SYNE2: variants seen among roughly 807,000 people sequenced by gnomAD.
SYNE2 encodes the protein spectrin repeat containing nuclear envelope protein 2.
Under a neutral mutation model 856.3 loss-of-function variants are expected in SYNE2, and 431 were observed. The observed-to-expected ratio is 0.50, with a 90% CI of 0.47 to 0.55. The LOEUF (loss-of-function observed/expected upper bound fraction) is 0.55. Among genes scored for constraint, SYNE2 ranks in the 20% least tolerant of loss-of-function variants. The pLI, the probability that SYNE2 is intolerant of heterozygous loss-of-function variation, is 0.00. For missense variants in SYNE2, 8,129 were observed against 8,023.2 expected (o/e 1.01, Z -0.50); for synonymous variants, 2,923 against 2,872.3 (o/e 1.02, Z -0.56).
intron 115 of SYNE2, 33 bp downstream of exon 115, chr14:64,225,078 C>G: frequency 6.2e-7 from 1 of 1,609,320 alleles, no homozygotes; most frequent in South Asian, 1.1e-5. Flanking sequence ...GCAGTGCGTT[C>G]CCCTGCTCCA....
upstream of SYNE2, among the ~76,000 whole-genome samples, chr14:63,852,563 C>G (rs541100581): frequency 2.4e-4 from 36 of 152,264 alleles, no homozygotes; most frequent in Middle Eastern, 0.01. Flanking sequence ...CCTTCGAATC[C>G]AAAGTCCTCG....
chr14:63,963,710 C>A (rs2096352409), intron 9 of SYNE2, among the ~76,000 whole-genome samples, 189 bp from the exon 10 acceptor site: 1 of 152,078 alleles, frequency 6.6e-6, no homozygotes, highest in Admixed American at 6.5e-5. Context: ...TTGTCATGTT[C>A]AGATGCTAGT....
At chr14:64,183,784 C>T (rs990889264) in intron 96 of SYNE2, among the ~76,000 whole-genome samples, 5 of 152,024 alleles carry the variant, frequency 3.3e-5, no homozygotes, top group Non-Finnish European at 7.4e-5. Context: ...GACGTGGTGG[C>T]GTGCGCCTGC....
rs374753364 is a variant in SYNE2, at chr14:64,003,024, A to C, written c.4091A>C (p.Glu1364Ala). 1.2e-6 allele frequency: 2 copies of C among 1,614,182 alleles called. No homozygotes were observed. Among genetic ancestry groups the C allele is most frequent in the Non-Finnish European group, 1.7e-6 (2 of 1,180,014 alleles). The change falls in exon 30 of 116, where the codon GAG (glutamate) becomes GCG (alanine). Residue 1364 changes from glutamate (E) to alanine (A), a missense_variant. By Grantham distance (107) the Glu-to-Ala change is moderately radical. This residue lies in a region of SYNE2 where 2,422 missense variants were observed against 2,357.4 expected (regional missense o/e 1.03). Transcript: ENST00000555002. Reference sequence around the variant, plus strand: ...AATACGTTGACAGTAAAAAATAAAGAGGGAGAAATTCATCTGATGAAAGAC... The same window carrying C: ...AATACGTTGACAGTAAAAAATAAAGCGGGAGAAATTCATCTGATGAAAGAC... ...QENTLTVKNKEGEIHLMKDKA... is the reference protein window; with the variant it reads ...QENTLTVKNKAGEIHLMKDKA...
chr14:63,840,365 G>A (rs1454586775), intron 1 of SYNE2, among the ~76,000 whole-genome samples: 1 of 151,936 alleles, frequency 6.6e-6, no homozygotes, highest in Non-Finnish European at 1.5e-5. Context: ...GTCATTCAGG[G>A]AACCCAGTTT....
chr14:64,070,555 G>A (rs2097397691), intron 51 of SYNE2, 90 bp from the exon 52 acceptor site: 6 of 1,116,862 alleles, frequency 5.4e-6, no homozygotes, highest in Non-Finnish European at 7.8e-6. Context: ...ACCCTTTGAA[G>A]AGAGAGCATA....
In SYNE2 at chr14:64,129,865, A is replaced by T. The variant is rs770920702; in HGVS notation, c.14103A>T (p.Leu4701Phe). ...GAGATGAAGGGGAGAGGCTTCATTT[A>T]CCTTATGCTTTACTCCAGGAGGTTT... ...KLRDEGERLH[L>F]PYALLQEVYK... The change falls in exon 75 of 116, where the codon TTA (leucine) becomes TTT (phenylalanine). Residue 4701 changes from leucine to phenylalanine, a missense_variant. Transcript: ENST00000555002. 2.5e-6 allele frequency: 4 copies of T among 1,613,978 alleles called. No homozygotes were observed. In the South Asian group the frequency reaches 4.4e-5, roughly 18 times the overall value.
At chr14:64,001,871 T>A in intron 28 of SYNE2, 63 bp from the exon 29 acceptor site, 2 of 1,554,798 alleles carry the variant, frequency 1.3e-6, no homozygotes, top group Non-Finnish European at 1.8e-6. Flanking sequence ...ATTGTGTTAA[T>A]CAGTTTCATA....
chr14:64,149,938 A>T (rs75367078), intron 84 of SYNE2, among the ~76,000 whole-genome samples: 1,524 of 151,518 alleles, frequency 0.01, 21 homozygotes, highest in African/African-American at 0.035. Flanking sequence ...GCAGAGCAAA[A>T]GAAACGAGCA....
In SYNE2 at chr14:64,177,352, AAATAGACCT is replaced by A. The variant is rs753835334; in HGVS notation, c.17431-5_17434del. 6.2e-7 allele frequency: 1 copy of A among 1,614,086 alleles called. No individual in the cohort carries two copies. The highest frequency in any genetic ancestry group is 1.3e-5 in the African/African-American group (1 of 74,946). Reference sequence around the variant, plus strand: ...ACTTACCAGTTTTAATCTTGTTTTCAAATAGACCTGGGACCAGTGTGAAAAGAAAATCAA... The same window carrying A: ...ACTTACCAGTTTTAATCTTGTTTTCAGGGACCAGTGTGAAAAGAAAATCAA... On this transcript the variant is annotated splice_acceptor_variant and splice_polypyrimidine_tract_variant and coding_sequence_variant and intron_variant, in exon 96 of 116. Transcript: ENST00000555002. LOFTEE classifies it high-confidence loss of function.
intron 1 of SYNE2, among the ~76,000 whole-genome samples, chr14:63,765,422 G>A (rs1022960718): frequency 2.6e-4 from 40 of 152,002 alleles, no homozygotes; most frequent in African/African-American, 9.4e-4. Flanking sequence ...GTGCGATCTC[G>A]GCTCACTGCA....
rs1394787330 is a variant in SYNE2 at position 63,940,608 on chromosome 14, T to C, written c.80-6T>C. 3 of 1,614,080 alleles carry C rather than the reference T, an allele frequency of 1.9e-6. No homozygotes were observed. The highest frequency in any genetic ancestry group is 2.5e-6 in the Non-Finnish European group (3 of 1,179,956). On this transcript the variant is annotated splice_region_variant and splice_polypyrimidine_tract_variant and intron_variant, in intron 2 of 115. Coordinates refer to ENST00000555002, the MANE Select transcript of SYNE2 (RefSeq NM_182914.3). ...TTTATAACTGCTGTTGTTCTTTCTTTGATAGCTGAACAGGAAGACACCCAG... is the reference window on the plus strand; with the variant it reads ...TTTATAACTGCTGTTGTTCTTTCTTCGATAGCTGAACAGGAAGACACCCAG...
intron 1 of SYNE2, among the ~76,000 whole-genome samples, chr14:63,834,528 A>G (rs1195978052): frequency 3.9e-5 from 6 of 152,032 alleles, no homozygotes; most frequent in Admixed American, 6.6e-5. Context: ...AGGTCTTGCT[A>G]TGTTGCCCAG....
In SYNE2 at chr14:63,993,835, G is replaced by A; in HGVS notation, c.2647G>A (p.Glu883Lys). ...SPGELISKHK[E>K]ALIISNTKSL... ...TGTTTGCAATTTTTTTTTTTTTTAG[G>A]AAGCACTAATAATTTCTAATACAAA... The change falls in exon 22 of 116, where the codon GAA becomes AAA. Residue 883 changes from glutamate (E) to lysine (K), a missense_variant and splice_region_variant. Coordinates refer to ENST00000555002, the MANE Select transcript of SYNE2 (RefSeq NM_182914.3). 1 of 1,586,840 alleles carries A rather than the reference G, an allele frequency of 6.3e-7. No individual in the cohort carries two copies. The highest frequency in any genetic ancestry group is 8.6e-7 in the Non-Finnish European group (1 of 1,167,470).
At chr14:64,098,180 A>G (rs770569596) in intron 62 of SYNE2, 34 bp downstream of exon 62, 2 of 1,607,080 alleles carry the variant, frequency 1.2e-6, no homozygotes, top group East Asian at 2.2e-5. Context: ...CTGGCCCCAC[A>G]CTCCACAAGA....
At chr14:63,893,487 C>G (rs1264853376) in intron 1 of SYNE2, among the ~76,000 whole-genome samples, 1 of 152,092 alleles carries the variant, frequency 6.6e-6, no homozygotes, top group Non-Finnish European at 1.5e-5. Flanking sequence ...TCACTTGAGC[C>G]TGGGAGGTTG....
chr14:64,014,929 TTATATATATATATATATA>T lies in SYNE2; in HGVS notation c.4729-1515_4729-1498del, dbSNP rs372523173. Among the ~76,000 whole-genome samples the T allele has an allele frequency of 1.5e-3, 117 of 78,822 alleles. 1 individual carries two copies. In the East Asian group the frequency reaches 0.018, roughly 12 times the overall value. The allele number at this position is 78,822 out of a possible 152,430, so 51.7% of individuals were successfully genotyped here. ...TTATTTGGTCATGGTGTATAATTCC[TTATATATATATATATATA>T]TATATATATATATATATATATATAT... On this transcript the variant is annotated intron_variant, in intron 32 of 115. Coordinates refer to ENST00000555002, the MANE Select transcript of SYNE2 (RefSeq NM_182914.3).
intron 1 of SYNE2, among the ~76,000 whole-genome samples, chr14:63,779,379 C>T (rs2139731251): frequency 6.8e-6 from 1 of 147,124 alleles, no homozygotes; most frequent in Non-Finnish European, 1.5e-5. Context: ...TCTAAATTTC[C>T]ACTTTAAGAA....
At chr14:63,992,983 C>T (rs2096680946) in intron 21 of SYNE2, among the ~76,000 whole-genome samples, 3 of 152,188 alleles carry the variant, frequency 2.0e-5, no homozygotes, top group African/African-American at 7.2e-5. Context: ...GCCTTTTTCA[C>T]ACACAGGCCC....
Sources: allele counts gnomAD v4.1 joint callset (sites outside exome capture counted in the v4.1 genomes callset), GRCh38; gene constraint gnomAD v4.1.1; regional missense constraint gnomAD v4.1.1; transcripts MANE v1.5; gene names NCBI Gene and HGNC (gene_info 2026-07-23, HGNC 2026-07-21).